ABCC5: variants seen among roughly 807,000 people sequenced by gnomAD.
The protein encoded by ABCC5 is ATP-binding cassette sub-family C member 5.
In ABCC5, 61 loss-of-function variants were observed where a neutral mutation model predicts 160.9. The ratio of observed to expected loss-of-function variants is 0.38; its 90% CI spans 0.31 to 0.47. ABCC5 has a LOEUF of 0.47. Among genes scored for constraint, ABCC5 ranks in the 20% least tolerant of loss-of-function variants. The probability of loss-of-function intolerance (pLI) is 0.99; values close to 1 mark genes in which losing one functional copy is unlikely to be tolerated. For synonymous variants in ABCC5, 666 were observed against 700.6 expected (o/e 0.95, Z 0.78); for missense variants, 1,308 against 1,813.3 (o/e 0.72, Z 5.06).
At chr3:183,929,698 G>A (rs1464713056) in intron 26 of ABCC5, among the ~76,000 whole-genome samples, 4 of 152,184 alleles carry the variant, frequency 2.6e-5, no homozygotes, top group Non-Finnish European at 5.9e-5. Context: ...TGTGCCAACA[G>A]TATCTACCTC....
intron 7 of ABCC5, 28 bp from the exon 8 acceptor site, chr3:183,981,902 A>C (rs1718778411): frequency 3.2e-6 from 5 of 1,577,280 alleles, no homozygotes; most frequent in Non-Finnish European, 4.3e-6. Flanking sequence ...GCCACGCCAA[A>C]TTAAAGCTCA....
intron 5 of ABCC5, chr3:183,986,052 G>A (rs749099009): frequency 6.5e-6 from 1 of 152,878 alleles, no homozygotes; most frequent in African/African-American, 2.4e-5. Flanking sequence ...TGCCAGATTA[G>A]AAAACTTGTA....
chr3:183,978,515 C>T lies in ABCC5; in HGVS notation c.1284G>A (p.Leu428=), dbSNP rs766807939. The T allele has an allele frequency of 2.5e-6, 4 of 1,613,758 alleles. No individual in the cohort carries two copies. The South Asian group carries it at 4.4e-5, about 18-fold the overall frequency. ...AGGGTTCCCTGACCTGTGCTGCTGT[C>T]AGATCGAAGCCCAGGGTCATATGAA... is the stretch of plus-strand genomic sequence containing the variant. ...FSVHMTLGFD[L]TAAQAFTVVT... is the part of the protein sequence containing the mutation. The change falls in exon 9 of 30, where the codon CTG becomes CTA. Residue 428 remains leucine (L), a synonymous_variant. Transcript: ENST00000334444.
chr3:183,995,825 T>A (rs922278114), intron 2 of ABCC5, among the ~76,000 whole-genome samples: 3 of 152,134 alleles, frequency 2.0e-5, no homozygotes, highest in African/African-American at 7.2e-5. Flanking sequence ...TGTTTTTTTT[T>A]AAGACAGAGT....
In ABCC5 at chr3:183,947,452, G is replaced by A; in HGVS notation, c.3286C>T (p.Arg1096Trp). 2.5e-6 allele frequency: 4 copies of A among 1,611,872 alleles called. No individual in the cohort carries two copies. Among genetic ancestry groups the A allele is most frequent in the Non-Finnish European group, 3.4e-6 (4 of 1,178,270 alleles). ...APFFLFTCAM[R>W]WLAVRLDLIS... ...AGGTCCAGCCGCACAGCCAGCCACC[G>A]CATCGCACACGTAAACAAAAAAAAA... is the stretch of plus-strand genomic sequence containing the variant. Residue 1096 changes from arginine to tryptophan, a missense_variant, in exon 23 of 30, where the codon CGG (arginine) becomes TGG (tryptophan). Arg to Trp is a moderately radical substitution (Grantham distance 101, BLOSUM62 -3). Transcript: ENST00000334444.
chr3:183,978,175 C>T (rs1274155149), intron 9 of ABCC5, among the ~76,000 whole-genome samples: 6 of 152,134 alleles, frequency 3.9e-5, no homozygotes, highest in Non-Finnish European at 8.8e-5. Flanking sequence ...ACAACTCATA[C>T]ACTATTTGTG....
At chr3:183,973,676 T>C (rs148609786) in intron 10 of ABCC5, among the ~76,000 whole-genome samples, 1 of 152,312 alleles carries the variant, frequency 6.6e-6, no homozygotes, top group East Asian at 1.9e-4. Flanking sequence ...GTCATGATTC[T>C]AAACTTCTGA....
intron 2 of ABCC5, among the ~76,000 whole-genome samples, chr3:183,992,261 AACT>A (rs1448185540): frequency 6.6e-6 from 1 of 152,192 alleles, no homozygotes; most frequent in Non-Finnish European, 1.5e-5. Flanking sequence ...ATATAATCTC[AACT>A]ACTCAGGAGG....
chr3:183,957,861 ATC>A (rs774662574), intron 17 of ABCC5, among the ~76,000 whole-genome samples: 3 of 137,834 alleles, frequency 2.2e-5, no homozygotes, highest in Non-Finnish European at 4.9e-5. Context: ...TGTATATCAC[ATC>A]TGTTACATGC....
chr3:183,971,651 C>A lies in ABCC5; in HGVS notation c.1673G>T (p.Ser558Ile). Residue 558 changes from serine to isoleucine, a missense_variant, in exon 11 of 30, where the codon AGT becomes ATT. By Grantham distance (142) the Ser-to-Ile change is moderately radical (BLOSUM62 -2). Transcript: ENST00000334444. ...HLLLDSDERP[S>I]PEEEEGKHIH... is the part of the protein sequence containing the mutation. ...GTGCTTGCCTTCTTCCTCTTCGGGA[C>A]TGGGCCGCTCGTCACTGTCCAGGAG... 6.2e-7 allele frequency: 1 copy of A among 1,614,204 alleles called. No homozygotes were observed. Among genetic ancestry groups the A allele is most frequent in the Non-Finnish European group, 8.5e-7 (1 of 1,180,034 alleles).
intron 17 of ABCC5, among the ~76,000 whole-genome samples, chr3:183,953,518 C>G (rs2176826): frequency 1.3e-5 from 2 of 152,144 alleles, no homozygotes; most frequent in African/African-American, 4.8e-5. Flanking sequence ...AGGGACCTGG[C>G]TGAGGAGCCT....
intron 25 of ABCC5, chr3:183,942,352 A>C (rs1341849018): frequency 2.2e-6 from 1 of 462,292 alleles, no homozygotes; most frequent in Non-Finnish European, 4.3e-6. Flanking sequence ...GTTTTAAAAG[A>C]AGGCCATGAA....
intron 17 of ABCC5, among the ~76,000 whole-genome samples, chr3:183,956,374 C>T (rs1258641054): frequency 3.3e-5 from 5 of 150,934 alleles, no homozygotes; most frequent in Non-Finnish European, 7.4e-5. Flanking sequence ...ACATGCAGCT[C>T]CGTGTGTAAA....
intron 26 of ABCC5, among the ~76,000 whole-genome samples, chr3:183,929,131 T>C (rs1471459355): frequency 5.3e-5 from 8 of 152,324 alleles, no homozygotes; most frequent in African/African-American, 1.9e-4. Flanking sequence ...TGTGCGTGTA[T>C]TTGTTAAAAT....
chr3:183,974,554 C>T (rs1326353966), intron 10 of ABCC5, among the ~76,000 whole-genome samples: 1 of 152,198 alleles, frequency 6.6e-6, no homozygotes, highest in Non-Finnish European at 1.5e-5. Context: ...AGAGATCCAC[C>T]TGCTCAGCCT....
intron 12 of ABCC5, among the ~76,000 whole-genome samples, chr3:183,966,300 T>C (rs1717210791): frequency 6.6e-6 from 1 of 152,234 alleles, no homozygotes; most frequent in Non-Finnish European, 1.5e-5. Flanking sequence ...GGTAGCATTC[T>C]GATGTGCACT....
chr3:183,968,046 T>C (rs754137793), intron 11 of ABCC5, among the ~76,000 whole-genome samples: 11 of 152,110 alleles, frequency 7.2e-5, no homozygotes, highest in East Asian at 1.9e-4. Context: ...CTCTTTCCTA[T>C]TCTGCTGCTA....
chr3:183,925,840 CTTTTTT>C, intron 28 of ABCC5, 121 bp from the exon 29 acceptor site: 3 of 704,166 alleles, frequency 4.3e-6, no homozygotes, highest in Non-Finnish European at 4.1e-6. Flanking sequence ...TCTTTTCTTT[CTTTTTT>C]TTTTTTTTTT....
At chr3:183,953,780 G>A (rs1212342947) in intron 17 of ABCC5, among the ~76,000 whole-genome samples, 1 of 152,178 alleles carries the variant, frequency 6.6e-6, no homozygotes, top group Non-Finnish European at 1.5e-5. Context: ...ACAAGCACAG[G>A]CACGGGGTAG....
Sources: gnomAD v4.1 joint callset for allele counts (sites outside exome capture counted in the v4.1 genomes callset) on GRCh38, gnomAD v4.1.1 for gene constraint, MANE v1.5 for transcripts, NCBI Gene and HGNC (gene_info 2026-07-23, HGNC 2026-07-21) for gene names.